TBC1D19: variants seen among roughly 807,000 people sequenced by gnomAD.
The protein encoded by TBC1D19 is TBC1 domain family, member 19.
TBC1D19 carries 60 observed loss-of-function variants against 89.0 expected under a neutral mutation model. The observed-to-expected ratio is 0.67, with a 90% CI of 0.55 to 0.84. The LOEUF (loss-of-function observed/expected upper bound fraction) is 0.84. Among genes scored for constraint, TBC1D19 ranks in the 40% least tolerant of loss-of-function variants. The pLI is 0.00. For synonymous variants in TBC1D19, 189 were observed against 199.7 expected, an observed-to-expected ratio of 0.95 and a Z score of 0.45; for missense variants, 500 against 610.8, an observed-to-expected ratio of 0.82 and a Z score of 1.91.
At chr4:26,647,369 G>A (rs1376464130) in intron 7 of TBC1D19, among the ~76,000 whole-genome samples, 4 of 152,036 alleles carry the variant, frequency 2.6e-5, no homozygotes, top group Admixed American at 6.6e-5. Context: ...TCATACGTTT[G>A]ATTTCACTCT....
At chr4:26,607,699 A>C (rs1445473443) in intron 1 of TBC1D19, among the ~76,000 whole-genome samples, 2 of 152,234 alleles carry the variant, frequency 1.3e-5, no homozygotes, top group African/African-American at 4.8e-5. Flanking sequence ...AGATGCACTA[A>C]ATATCAAGTG....
chr4:26,576,765 G>A (rs1482626472), exon 1 of TBC1D19: 1 of 456,278 alleles, frequency 2.2e-6, no homozygotes, highest in Non-Finnish European at 4.4e-6. Context: ...GATGAAGAGA[G>A]GGGCCACAGT....
downstream of TBC1D19, among the ~76,000 whole-genome samples, chr4:26,759,393 G>A (rs566742976): frequency 8.1e-4 from 123 of 152,014 alleles, no homozygotes; most frequent in Middle Eastern, 0.01. Flanking sequence ...ATTTTCAGAG[G>A]AAAAAATGAA....
intron 11 of TBC1D19, among the ~76,000 whole-genome samples, chr4:26,682,997 G>A (rs879922652): frequency 1.3e-5 from 2 of 152,056 alleles, no homozygotes; most frequent in Non-Finnish European, 1.5e-5. Context: ...CCAGGCTGGA[G>A]AGCAGTGGCT....
At chr4:26,740,376 G>T (rs1349372456) in intron 17 of TBC1D19, among the ~76,000 whole-genome samples, 3 of 152,098 alleles carry the variant, frequency 2.0e-5, no homozygotes, top group Non-Finnish European at 4.4e-5. Context: ...CCTCGCAGGT[G>T]TTCAGTAAAT....
At chr4:26,824,619 T>TTAC in the TBC1D19 span, among the ~76,000 whole-genome samples, 1 of 152,224 alleles carries the variant, frequency 6.6e-6, no homozygotes, top group Non-Finnish European at 1.5e-5. Context: ...CCACATTATA[T>TTAC]TACTGCACTA....
the TBC1D19 span, among the ~76,000 whole-genome samples, chr4:26,844,596 T>C: frequency 6.6e-6 from 1 of 152,254 alleles, no homozygotes; most frequent in Non-Finnish European, 1.5e-5. Context: ...AAATATCCAT[T>C]ATTGTAAGAA....
At chr4:26,760,221 T>C (rs575125493), downstream of TBC1D19, among the ~76,000 whole-genome samples, 1 of 152,314 alleles carries the variant, frequency 6.6e-6, no homozygotes, top group African/African-American at 2.4e-5. Context: ...ACATATTCTT[T>C]TGTAAAGTAT....
At chr4:26,673,446 T>TATATATATACACACACACACACAC (rs373807642) in intron 10 of TBC1D19, among the ~76,000 whole-genome samples, 5 of 90,880 alleles carry the variant, frequency 5.5e-5, no homozygotes, top group African/African-American at 2.1e-4. Context: ...TATATATATA[T>TATATATATACACACACACACACAC]ACACACACAC....
intron 7 of TBC1D19, among the ~76,000 whole-genome samples, chr4:26,645,383 T>G (rs188116085): frequency 6.6e-6 from 1 of 152,104 alleles, no homozygotes; most frequent in African/African-American, 2.4e-5. Context: ...TTGACAAACC[T>G]GACAAAAACA....
chr4:26,688,157 C>G (rs1281455054), intron 12 of TBC1D19, among the ~76,000 whole-genome samples, 188 bp from the exon 13 acceptor site: 1 of 151,880 alleles, frequency 6.6e-6, no homozygotes, highest in Non-Finnish European at 1.5e-5. Context: ...ATGAGGAATT[C>G]GAGTTCAAAT....
At chr4:26,834,206 C>A in the TBC1D19 span, among the ~76,000 whole-genome samples, 1 of 152,282 alleles carries the variant, frequency 6.6e-6, no homozygotes, top group South Asian at 2.1e-4. Flanking sequence ...GTACAGCCTG[C>A]AGAACCATGA....
intron 1 of TBC1D19, among the ~76,000 whole-genome samples, chr4:26,586,982 A>G (rs573650564): frequency 5.9e-5 from 9 of 152,158 alleles, no homozygotes; most frequent in Non-Finnish European, 1.3e-4. Flanking sequence ...CTCCAGTGCA[A>G]TGTTTTGCAG....
intron 13 of TBC1D19, among the ~76,000 whole-genome samples, chr4:26,710,477 T>C (rs571450550): frequency 1.3e-5 from 2 of 152,310 alleles, no homozygotes; most frequent in African/African-American, 4.8e-5. Flanking sequence ...TTGTGTATAA[T>C]GCCTCAATAA....
intron 7 of TBC1D19, among the ~76,000 whole-genome samples, chr4:26,645,471 G>A (rs1043884269): frequency 1.3e-5 from 2 of 152,172 alleles, no homozygotes; most frequent in African/African-American, 4.8e-5. Context: ...GCTGAAACTG[G>A]ATCCCTTCCT....
chr4:26,785,021 T>C, the TBC1D19 span, among the ~76,000 whole-genome samples: 1 of 152,186 alleles, frequency 6.6e-6, no homozygotes, highest in Non-Finnish European at 1.5e-5. Context: ...GTTCTCCCAA[T>C]ATCCACCAAA....
At chr4:26,806,924 T>C in the TBC1D19 span, among the ~76,000 whole-genome samples, 1 of 152,178 alleles carries the variant, frequency 6.6e-6, no homozygotes, top group Non-Finnish European at 1.5e-5. Flanking sequence ...TCCTAGAGCC[T>C]CAGAGGGAGG....
the TBC1D19 span, among the ~76,000 whole-genome samples, chr4:26,778,140 A>G: frequency 6.6e-6 from 1 of 151,464 alleles, no homozygotes; most frequent in Non-Finnish European, 1.5e-5. Context: ...AAGAGGCCGG[A>G]CACAGTGGCT....
chr4:26,838,930 C>T, the TBC1D19 span, among the ~76,000 whole-genome samples: 2 of 152,126 alleles, frequency 1.3e-5, no homozygotes, highest in Non-Finnish European at 2.9e-5. Flanking sequence ...ATCAGCCTTC[C>T]AAATTACATT....
Sources: gnomAD v4.1 joint callset for allele counts (sites outside exome capture counted in the v4.1 genomes callset) on GRCh38, gnomAD v4.1.1 for gene constraint, MANE v1.5 for transcripts, NCBI Gene and HGNC (gene_info 2026-07-23, HGNC 2026-07-21) for gene names.